The following CA10 variants were observed in gnomAD, a reference collection of about 807,000 sequenced individuals.
The protein encoded by CA10 is carbonic anhydrase 10 (inactive).
In CA10, 14 loss-of-function variants were observed where a neutral mutation model predicts 44.2. The ratio of observed to expected loss-of-function variants is 0.32; its 90% CI spans 0.21 to 0.50. CA10 has a LOEUF of 0.50. Ranked by LOEUF, CA10 falls within the 20% of genes least tolerant of loss-of-function variation. The pLI is 0.99. For synonymous variants in CA10, 159 were observed against 141.6 expected, an observed-to-expected ratio of 1.12 and a Z score of -0.87; for missense variants, 350 against 409.7, an observed-to-expected ratio of 0.85 and a Z score of 1.26.
At chr17:51,702,567 T>C (rs1316162427) in intron 4 of CA10, among the ~76,000 whole-genome samples, 1 of 152,228 alleles carries the variant, frequency 6.6e-6, no homozygotes, top group Non-Finnish European at 1.5e-5. Context: ...TGATGGTGGC[T>C]TCCACCTGGA....
intron 1 of CA10, among the ~76,000 whole-genome samples, chr17:52,076,522 G>T (rs1384598003): frequency 6.6e-6 from 1 of 152,184 alleles, no homozygotes; most frequent in Non-Finnish European, 1.5e-5. Context: ...AAATCAATCA[G>T]CTGGAAGAGC....
chr17:52,055,205 G>T (rs1406436343), intron 2 of CA10, among the ~76,000 whole-genome samples: 1 of 151,920 alleles, frequency 6.6e-6, no homozygotes, highest in Admixed American at 6.6e-5. Context: ...TAACACCTAG[G>T]ACTATCTTAA....
intron 2 of CA10, among the ~76,000 whole-genome samples, chr17:52,051,836 C>T (rs931425029): frequency 3.3e-5 from 5 of 151,996 alleles, no homozygotes; most frequent in African/African-American, 1.2e-4. Context: ...TACATATGTT[C>T]ACTGTAGAAC....
At chr17:52,051,536 A>C (rs995336224) in intron 2 of CA10, among the ~76,000 whole-genome samples, 2 of 152,142 alleles carry the variant, frequency 1.3e-5, no homozygotes, top group African/African-American at 4.8e-5. Context: ...GTCTACAAAA[A>C]ATAGCTCAAC....
At chr17:52,036,588 T>A (rs1441173365) in intron 2 of CA10, among the ~76,000 whole-genome samples, 1 of 152,104 alleles carries the variant, frequency 6.6e-6, no homozygotes, top group Non-Finnish European at 1.5e-5. Flanking sequence ...GGGAACAGAT[T>A]GTGTAAGGCA....
At chr17:51,657,063 G>A (rs544898366) in intron 4 of CA10, among the ~76,000 whole-genome samples, 2 of 152,280 alleles carry the variant, frequency 1.3e-5, no homozygotes, top group African/African-American at 2.4e-5. Context: ...GGAGGTTGGG[G>A]GGTATTTAAT....
intron 4 of CA10, among the ~76,000 whole-genome samples, chr17:51,708,175 A>G (rs565553194): frequency 6.6e-6 from 1 of 152,294 alleles, no homozygotes; most frequent in Non-Finnish European, 1.5e-5. Context: ...AGGAGCTTCG[A>G]AAGGAGGCAG....
chr17:51,928,059 A>T (rs1177587653), intron 3 of CA10, among the ~76,000 whole-genome samples: 1 of 152,148 alleles, frequency 6.6e-6, no homozygotes, highest in Non-Finnish European at 1.5e-5. Context: ...TCATTATGCA[A>T]AATGTTTGGG....
rs1013127239 is a variant in CA10 at position 51,857,627 on chromosome 17, C to T, written c.279+73363G>A. ...TGCATCAACTTACTATCGCAACAAA[C>T]TATTAGCAAAAAACTATTATTGGGT... is the stretch of plus-strand genomic sequence containing the variant. On this transcript the variant is annotated intron_variant, in intron 3 of 8. Transcript: ENST00000451037. Among the ~76,000 whole-genome samples the T allele has an allele frequency of 2.6e-5, 4 of 152,106 alleles. No individual in the cohort carries two copies. The East Asian group carries it at 7.7e-4, about 29-fold the overall frequency.
intron 3 of CA10, among the ~76,000 whole-genome samples, chr17:51,754,830 C>T (rs1343198847): frequency 6.6e-6 from 1 of 152,130 alleles, no homozygotes; most frequent in Admixed American, 6.5e-5. Context: ...TTCTTTATTA[C>T]ATCAGTTCAA....
intron 4 of CA10, among the ~76,000 whole-genome samples, chr17:51,679,474 G>T (rs1403813279): frequency 6.6e-6 from 1 of 151,840 alleles, no homozygotes; most frequent in Non-Finnish European, 1.5e-5. Flanking sequence ...TGTTAGCCAG[G>T]ATGGTCTTGA....
chr17:51,996,847 G>A (rs1395575245), intron 2 of CA10, among the ~76,000 whole-genome samples: 1 of 151,912 alleles, frequency 6.6e-6, no homozygotes, highest in African/African-American at 2.4e-5. Context: ...AACAGCTGAG[G>A]ACCCCACTCC....
At chr17:52,018,236 T>C (rs928081595) in intron 2 of CA10, among the ~76,000 whole-genome samples, 2 of 152,070 alleles carry the variant, frequency 1.3e-5, no homozygotes, top group African/African-American at 4.8e-5. Context: ...AGTGGAGCTG[T>C]AGGAAGGGTC....
At position 51,630,606 on chromosome 17, in the gene CA10, T is replaced by C. The variant is rs879809297; in HGVS notation, c.*978A>G. 4 of 152,634 alleles carry C rather than the reference T, an allele frequency of 2.6e-5. No individual in the cohort carries two copies. The highest frequency in any genetic ancestry group is 4.4e-5 in the Non-Finnish European group (3 of 68,042). 9.5% of individuals were successfully genotyped at this position (152,634 alleles called of 1,614,324 possible). A position where few individuals can be genotyped will look rare whatever the true frequency, so the allele number is the denominator to read the frequency against. ...GAGCCATGGAGTGGAATTAAAGTCATACTTGCTTAGCAAATGCATTCCTGA... is the reference window on the plus strand; with the variant it reads ...GAGCCATGGAGTGGAATTAAAGTCACACTTGCTTAGCAAATGCATTCCTGA... On this transcript the variant is annotated 3_prime_UTR_variant, in exon 9 of 9. Transcript: ENST00000451037.
intron 3 of CA10, among the ~76,000 whole-genome samples, chr17:51,826,450 A>G (rs1908013017): frequency 6.6e-6 from 1 of 152,238 alleles, no homozygotes; most frequent in Admixed American, 6.5e-5. Flanking sequence ...CTGTTGTGAC[A>G]GCAAATGAAA....
chr17:51,667,608 T>C (rs562870032), intron 4 of CA10, among the ~76,000 whole-genome samples: 46 of 152,050 alleles, frequency 3.0e-4, no homozygotes, highest in Non-Finnish European at 5.7e-4. Flanking sequence ...ACATCCTTCC[T>C]GCTGCACTCT....
chr17:52,068,538 A>G (rs1987595619), intron 2 of CA10, among the ~76,000 whole-genome samples: 1 of 152,162 alleles, frequency 6.6e-6, no homozygotes, highest in Admixed American at 6.5e-5. Flanking sequence ...CCTTGTCAAG[A>G]CCCAGTTCTA....
chr17:51,784,071 C>T lies in CA10; in HGVS notation c.280-36253G>A, dbSNP rs144708929. On this transcript the variant is annotated intron_variant, in intron 3 of 8. Coordinates refer to ENST00000451037, the MANE Select transcript of CA10 (RefSeq NM_020178.5). The stretch of plus-strand genomic sequence containing the variant: ...CACTGTGTATATGGTACCTGACCCC[C>T]CTTCTCTACCTCTCCTTGTCTAGGG... 2.0e-5 allele frequency among the ~76,000 whole-genome samples: 3 copies of T among 152,228 alleles called. No individual in the cohort carries two copies. In the East Asian group the frequency reaches 5.8e-4, roughly 29 times the overall value.
At chr17:51,714,495 A>G (rs766119436) in intron 4 of CA10, among the ~76,000 whole-genome samples, 1 of 152,054 alleles carries the variant, frequency 6.6e-6, no homozygotes, top group African/African-American at 2.4e-5. Context: ...GCTCTTTGGG[A>G]GGTGGGCTGG....
Sources: gnomAD v4.1 joint callset for allele counts (sites outside exome capture counted in the v4.1 genomes callset) on GRCh38, gnomAD v4.1.1 for gene constraint, MANE v1.5 for transcripts, NCBI Gene and HGNC (gene_info 2026-07-23, HGNC 2026-07-21) for gene names.